Variants in SGCZ observed in about 807,000 individuals in gnomAD.
SGCZ encodes the protein zeta-sarcoglycan.
In SGCZ, 40 loss-of-function variants were observed where a neutral mutation model predicts 41.3. The observed-to-expected ratio is 0.97, with a 90% CI of 0.75 to 1.26. SGCZ has a LOEUF of 1.26. SGCZ is among the 50% of genes most tolerant of loss of function. The pLI, the probability that SGCZ is intolerant of heterozygous loss-of-function variation, is 0.00. For missense variants in SGCZ, 552 were observed against 369.8 expected (o/e 1.49, Z -4.04); for synonymous variants, 206 against 137.5 (o/e 1.50, Z -3.49).
At position 15,112,218 on chromosome 8, in the gene SGCZ, A is replaced by T. The variant is rs550330807; in HGVS notation, c.39+125367T>A. On this transcript the variant is annotated intron_variant, in intron 1 of 7. Transcript: ENST00000382080. The stretch of plus-strand genomic sequence containing the variant: ...ACCTAACATAAATGAGCAAATTCCT[A>T]AGAAGAAAATAATATACCACCAGCA... 1.3e-4 allele frequency among the ~76,000 whole-genome samples: 20 copies of T among 152,338 alleles called. No individual in the cohort carries two copies. The South Asian group carries it at 4.1e-3, about 32-fold the overall frequency.
intron 1 of SGCZ, among the ~76,000 whole-genome samples, chr8:14,741,437 CTTTTGTTTGT>C (rs1213577138): frequency 6.6e-6 from 1 of 151,982 alleles, no homozygotes; most frequent in Non-Finnish European, 1.5e-5. Flanking sequence ...ATAGATGACA[CTTTTGTTTGT>C]TTTACGTTTT....
chr8:14,508,839 C>G (rs1242227281), intron 2 of SGCZ, among the ~76,000 whole-genome samples: 1 of 152,116 alleles, frequency 6.6e-6, no homozygotes, highest in Non-Finnish European at 1.5e-5. Context: ...AATAGGACCA[C>G]TCTACTATTT....
chr8:14,499,368 T>C (rs577774450), intron 2 of SGCZ, among the ~76,000 whole-genome samples: 2 of 152,172 alleles, frequency 1.3e-5, no homozygotes, highest in African/African-American at 4.8e-5. Context: ...GGACACAACA[T>C]AAATTTTCTT....
rs551715788 is a variant in SGCZ, at chr8:14,834,128, G to A, written c.40-279202C>T. Among the ~76,000 whole-genome samples the A allele has an allele frequency of 2.2e-4, 34 of 152,052 alleles. No homozygotes were observed. In the South Asian group the frequency reaches 3.1e-3, roughly 14 times the overall value. Reference sequence around the variant, plus strand: ...GCTTTAGATTTTTTTTTCATGATCCGTGATTCTCACTATGTCATTGTAAAT... The same window carrying A: ...GCTTTAGATTTTTTTTTCATGATCCATGATTCTCACTATGTCATTGTAAAT... On this transcript the variant is annotated intron_variant, in intron 1 of 7. Transcript: ENST00000382080.
chr8:14,111,093 A>C (rs922664980), intron 5 of SGCZ, among the ~76,000 whole-genome samples: 1 of 152,010 alleles, frequency 6.6e-6, no homozygotes, highest in Admixed American at 6.6e-5. Flanking sequence ...TTTAAAAAAA[A>C]ACTGTCTCTC....
At position 14,690,255 on chromosome 8, in the gene SGCZ, T is replaced by A. The variant is rs528724370; in HGVS notation, c.40-135329A>T. On this transcript the variant is annotated intron_variant, in intron 1 of 7. Transcript: ENST00000382080. ...TGAAATAATTCGTATATCTTAAGTA[T>A]GTAGTTTATCCTCCTTGTTTGACTA... 3 of 152,196 alleles carry A rather than the reference T, an allele frequency of 2.0e-5. No individual in the cohort carries two copies. In the East Asian group the frequency reaches 5.8e-4, roughly 30 times the overall value. The allele number at this position is 152,196 out of a possible 1,614,324, so 9.4% of individuals were successfully genotyped here. A position where few individuals can be genotyped will look rare whatever the true frequency, so the allele number is the denominator to read the frequency against.
chr8:14,118,053 T>C (rs1027982351), intron 5 of SGCZ, among the ~76,000 whole-genome samples: 10 of 151,972 alleles, frequency 6.6e-5, no homozygotes, highest in African/African-American at 2.2e-4. Context: ...TAGCTGTGCA[T>C]GTGTCTTTAT....
intron 2 of SGCZ, among the ~76,000 whole-genome samples, chr8:14,366,142 T>G (rs900589373): frequency 1.3e-5 from 2 of 152,156 alleles, no homozygotes; most frequent in African/African-American, 4.8e-5. Context: ...TGAGTCTTTG[T>G]CTCTGTATTA....
At chr8:14,408,774 T>C (rs1173464274) in intron 2 of SGCZ, among the ~76,000 whole-genome samples, 2 of 152,104 alleles carry the variant, frequency 1.3e-5, no homozygotes, top group Non-Finnish European at 2.9e-5. Flanking sequence ...CTACATAGAA[T>C]TTAGGGTATT....
At chr8:15,004,919 C>T (rs1802549187) in intron 1 of SGCZ, among the ~76,000 whole-genome samples, 1 of 152,180 alleles carries the variant, frequency 6.6e-6, no homozygotes, top group Non-Finnish European at 1.5e-5. Flanking sequence ...TGCCACACCT[C>T]CACCCCCAAT....
At chr8:14,819,066 T>C (rs1207774031) in intron 1 of SGCZ, among the ~76,000 whole-genome samples, 8 of 151,692 alleles carry the variant, frequency 5.3e-5, no homozygotes, top group African/African-American at 1.7e-4. Flanking sequence ...TGTGGATAGA[T>C]TCAACCCAAA....
chr8:14,447,276 T>A (rs1238931298), intron 2 of SGCZ, among the ~76,000 whole-genome samples: 1 of 152,166 alleles, frequency 6.6e-6, no homozygotes, highest in Non-Finnish European at 1.5e-5. Flanking sequence ...CTTTTCTTGC[T>A]AAAGTTGCTG....
chr8:14,765,200 T>C (rs1800002317), intron 1 of SGCZ, among the ~76,000 whole-genome samples: 1 of 152,162 alleles, frequency 6.6e-6, no homozygotes, highest in East Asian at 1.9e-4. Context: ...TTGATTCCCT[T>C]AATCCCTCTC....
In SGCZ at chr8:15,016,005, G is replaced by C. The variant is rs1300115752; in HGVS notation, c.39+221580C>G. Among the ~76,000 whole-genome samples the C allele has an allele frequency of 6.6e-5, 10 of 152,054 alleles. No individual in the cohort carries two copies. The East Asian group carries it at 1.9e-3, about 29-fold the overall frequency. On this transcript the variant is annotated intron_variant, in intron 1 of 7. Coordinates refer to ENST00000382080, the MANE Select transcript of SGCZ (RefSeq NM_139167.4). ...TTTTTCTCTCTATCTCCAGTTGCTA[G>C]AAGTTTACATTCATTTGACAGCCTT...
chr8:14,656,708 C>G (rs1237111166), intron 1 of SGCZ, among the ~76,000 whole-genome samples: 1 of 150,868 alleles, frequency 6.6e-6, no homozygotes, highest in Non-Finnish European at 1.5e-5. Flanking sequence ...TTTCTTTCTC[C>G]ACTGGAATCT....
At chr8:14,369,451 A>G (rs956747470) in intron 2 of SGCZ, among the ~76,000 whole-genome samples, 21 of 151,948 alleles carry the variant, frequency 1.4e-4, no homozygotes, top group Non-Finnish European at 2.9e-4. Context: ...TGCCCTTCCC[A>G]GTGCATCATA....
intron 1 of SGCZ, among the ~76,000 whole-genome samples, chr8:14,850,302 G>C (rs929423676): frequency 3.9e-5 from 6 of 152,134 alleles, no homozygotes; most frequent in African/African-American, 1.4e-4. Flanking sequence ...CATGAGAATG[G>C]CATAGTCATG....
At position 14,368,128 on chromosome 8, in the gene SGCZ, GGA is replaced by G. The variant is rs764213739; in HGVS notation, c.235-43926_235-43925del. Reference sequence around the variant, plus strand: ...TTTTTAAATGTGTACACTGGGTTTTGGACATGAGTGTGCTTCTAAATGGTTCT... The same window carrying G: ...TTTTTAAATGTGTACACTGGGTTTTGCATGAGTGTGCTTCTAAATGGTTCT... On this transcript the variant is annotated intron_variant, in intron 2 of 7. Coordinates refer to ENST00000382080, the MANE Select transcript of SGCZ (RefSeq NM_139167.4). Among the ~76,000 whole-genome samples, 20 of 152,062 alleles carry G rather than the reference GGA, an allele frequency of 1.3e-4. 1 individual carries two copies. The highest frequency in any genetic ancestry group is 2.5e-4 in the Non-Finnish European group (17 of 67,932).
intron 1 of SGCZ, among the ~76,000 whole-genome samples, chr8:15,012,653 A>ATATATAG (rs1293132635): frequency 2.2e-5 from 3 of 139,492 alleles, no homozygotes; most frequent in Non-Finnish European, 4.6e-5. Flanking sequence ...ACTATATATA[A>ATATATAG]TATATAATAT....
Sources: gnomAD v4.1 joint callset for allele counts (sites outside exome capture counted in the v4.1 genomes callset) on GRCh38, gnomAD v4.1.1 for gene constraint, MANE v1.5 for transcripts, NCBI Gene and HGNC (gene_info 2026-07-23, HGNC 2026-07-21) for gene names.